ZFHX3: variants seen among roughly 807,000 people sequenced by gnomAD.
The protein encoded by ZFHX3 is zinc finger homeobox protein 3.
Under a neutral mutation model 279.1 loss-of-function variants are expected in ZFHX3, and 42 were observed. That is an observed-to-expected ratio of 0.15 (90% CI 0.12 to 0.19). The LOEUF (loss-of-function observed/expected upper bound fraction) is 0.19. Ranked by LOEUF, ZFHX3 falls within the 10% of genes least tolerant of loss-of-function variation. The probability of loss-of-function intolerance (pLI) is 1.00; values close to 1 mark genes in which losing one functional copy is unlikely to be tolerated. For missense variants in ZFHX3, 4,981 were observed against 4,754.0 expected (o/e 1.05, Z -1.40); for synonymous variants, 2,293 against 1,957.8 (o/e 1.17, Z -4.52).
intron 4 of ZFHX3, among the ~76,000 whole-genome samples, chr16:72,859,638 G>T (rs2037834190): frequency 6.6e-6 from 1 of 152,168 alleles, no homozygotes; most frequent in Non-Finnish European, 1.5e-5. Context: ...AGAAACCACA[G>T]GCTAAAACTC....
intron 3 of ZFHX3, among the ~76,000 whole-genome samples, chr16:73,337,614 T>A (rs960767602): frequency 2.0e-5 from 3 of 151,942 alleles, no homozygotes; most frequent in African/African-American, 7.3e-5. Flanking sequence ...TTTGTCTCCA[T>A]CCCTGCTTGC....
chr16:72,804,124 TTAAG>T (rs1235397975), intron 7 of ZFHX3, among the ~76,000 whole-genome samples: 1 of 152,226 alleles, frequency 6.6e-6, no homozygotes, highest in African/African-American at 2.4e-5. Flanking sequence ...ACCTCCCAGT[TTAAG>T]TAATTTTCAT....
chr16:72,887,837 T>C (rs2144061067), intron 4 of ZFHX3, among the ~76,000 whole-genome samples: 1 of 151,984 alleles, frequency 6.6e-6, no homozygotes. Context: ...TATGTGAGCG[T>C]GGATGGAATG....
At chr16:73,889,556 T>C (rs2030459883) in intron 1 of ZFHX3, among the ~76,000 whole-genome samples, 1 of 152,188 alleles carries the variant, frequency 6.6e-6, no homozygotes, top group Non-Finnish European at 1.5e-5. Context: ...TTAGGAAAAC[T>C]TAGGGTGAAG....
At position 73,470,402 on chromosome 16, in the gene ZFHX3, T is replaced by G. The variant is rs560192450; in HGVS notation, c.-1546-14144A>C. The stretch of plus-strand genomic sequence containing the variant: ...CTGCCTTCACGTTTAGCGTGTTGTC[T>G]GCTAAACCGTTGATCTAGAGTGTCC... On this transcript the variant is annotated intron_variant, in intron 2 of 17. Coordinates refer to the ZFHX3 transcript ENST00000641206. 2.0e-5 allele frequency among the ~76,000 whole-genome samples: 3 copies of G among 152,312 alleles called. No homozygotes were observed. In the South Asian group the frequency reaches 6.2e-4, roughly 32 times the overall value.
Position 73,871,173 on chromosome 16 carries a change from G to A in ZFHX3, c.-1608+20478C>T, listed in dbSNP as rs151234417. ...GGGGTCAAGGTTGGCACAGCACATGGTGCTCAATTACACTGGATTTTAGCC... is the reference window on the plus strand; with the variant it reads ...GGGGTCAAGGTTGGCACAGCACATGATGCTCAATTACACTGGATTTTAGCC... On this transcript the variant is annotated intron_variant, in intron 1 of 17. Transcript: ENST00000641206. 8.9e-4 allele frequency among the ~76,000 whole-genome samples: 136 copies of A among 152,280 alleles called. 1 individual carries two copies. Among genetic ancestry groups the A allele is most frequent in the African/African-American group, 3.1e-3 (128 of 41,580 alleles).
At chr16:73,142,263 T>C (rs1253263445) in intron 6 of ZFHX3, among the ~76,000 whole-genome samples, 2 of 152,222 alleles carry the variant, frequency 1.3e-5, no homozygotes, top group African/African-American at 2.4e-5. Flanking sequence ...GCAGGTTGCC[T>C]TACGTCATAA....
chr16:73,359,883 G>C (rs534292302), intron 3 of ZFHX3, among the ~76,000 whole-genome samples: 7 of 148,722 alleles, frequency 4.7e-5, no homozygotes, highest in Non-Finnish European at 7.5e-5. Flanking sequence ...TTGATCATGG[G>C]GGGTGGTTCA....
intron 1 of ZFHX3, among the ~76,000 whole-genome samples, chr16:73,818,641 C>T (rs955672362): frequency 1.3e-5 from 2 of 152,162 alleles, no homozygotes; most frequent in African/African-American, 2.4e-5. Context: ...ATCTGGGGTC[C>T]CTGCTGATGC....
intron 5 of ZFHX3, among the ~76,000 whole-genome samples, chr16:73,147,763 C>A (rs1044910677): frequency 6.7e-6 from 1 of 149,026 alleles, no homozygotes. Flanking sequence ...CCAGCTATTC[C>A]GGAGGCCGAG....
chr16:73,103,323 G>A (rs1223214807), intron 7 of ZFHX3, among the ~76,000 whole-genome samples: 3 of 151,864 alleles, frequency 2.0e-5, no homozygotes, highest in East Asian at 1.9e-4. Flanking sequence ...TTGTCTCCCC[G>A]CCTCACTCAT....
At chr16:73,595,341 G>T (rs1000558708) in intron 2 of ZFHX3, among the ~76,000 whole-genome samples, 4 of 152,182 alleles carry the variant, frequency 2.6e-5, no homozygotes, top group Non-Finnish European at 5.9e-5. Context: ...AGGACTGCTT[G>T]CTTGCTAAAT....
At chr16:73,133,481 T>C (rs1966733246) in intron 6 of ZFHX3, among the ~76,000 whole-genome samples, 1 of 151,628 alleles carries the variant, frequency 6.6e-6, no homozygotes, top group Non-Finnish European at 1.5e-5. Context: ...TTAGGGTAAA[T>C]TGAGGGCATA....
chr16:73,789,839 A>G (rs1959769122), intron 1 of ZFHX3, among the ~76,000 whole-genome samples: 1 of 152,198 alleles, frequency 6.6e-6, no homozygotes, highest in South Asian at 2.1e-4. Flanking sequence ...ATACATTTCA[A>G]AATAATGGTT....
chr16:72,803,679 A>G (rs2036182274), intron 7 of ZFHX3, among the ~76,000 whole-genome samples: 1 of 152,248 alleles, frequency 6.6e-6, no homozygotes, highest in Non-Finnish European at 1.5e-5. Flanking sequence ...TACACTTTCT[A>G]CATTGAATGT....
chr16:73,263,449 A>G (rs2013880199), intron 4 of ZFHX3, among the ~76,000 whole-genome samples: 1 of 152,164 alleles, frequency 6.6e-6, no homozygotes, highest in Non-Finnish European at 1.5e-5. Flanking sequence ...TCGGCCTCCC[A>G]GACTGTTGGG....
intron 4 of ZFHX3, among the ~76,000 whole-genome samples, chr16:72,866,010 G>A (rs1203130892): frequency 6.6e-6 from 1 of 152,220 alleles, no homozygotes; most frequent in Non-Finnish European, 1.5e-5. Flanking sequence ...AAGGAAGCGG[G>A]TGTACTGAGG....
intron 3 of ZFHX3, among the ~76,000 whole-genome samples, chr16:73,321,393 C>T (rs1037389602): frequency 7.2e-5 from 11 of 152,128 alleles, no homozygotes; most frequent in Admixed American, 5.2e-4. Flanking sequence ...TACCTGACCT[C>T]CTCAGGTTGT....
chr16:73,602,163 G>A (rs1268166479), intron 2 of ZFHX3, among the ~76,000 whole-genome samples: 1 of 152,080 alleles, frequency 6.6e-6, no homozygotes, highest in African/African-American at 2.4e-5. Flanking sequence ...AAGAAAAGAA[G>A]AACAGAAAAA....
Sources: allele counts gnomAD v4.1 joint callset (sites outside exome capture counted in the v4.1 genomes callset), GRCh38; gene constraint gnomAD v4.1.1; transcripts MANE v1.5; gene names NCBI Gene and HGNC (gene_info 2026-07-23, HGNC 2026-07-21).